The following STARD13 variants were observed in gnomAD, a reference collection of about 807,000 sequenced individuals.
STARD13 encodes stAR-related lipid transfer protein 13.
STARD13 carries 62 observed loss-of-function variants against 106.4 expected under a neutral mutation model. The ratio of observed to expected loss-of-function variants is 0.58; its 90% CI spans 0.48 to 0.72. STARD13 has a LOEUF of 0.72. Among genes scored for constraint, STARD13 ranks in the 30% least tolerant of loss-of-function variants. STARD13 has a pLI of 0.00. For missense variants in STARD13, 1,387 were observed against 1,424.0 expected (o/e 0.97, Z 0.42); for synonymous variants, 565 against 553.0 (o/e 1.02, Z -0.31).
At chr13:33,428,423 G>C in the STARD13 span, among the ~76,000 whole-genome samples, 1 of 151,972 alleles carries the variant, frequency 6.6e-6, no homozygotes, top group Non-Finnish European at 1.5e-5. Context: ...CTATGCATCC[G>C]AAAAGACGTT....
chr13:33,409,653 T>C, the STARD13 span, among the ~76,000 whole-genome samples: 3 of 152,216 alleles, frequency 2.0e-5, no homozygotes, highest in Admixed American at 1.3e-4. Context: ...ATCCCTGGCA[T>C]GTGAGGGTAC....
the STARD13 span, among the ~76,000 whole-genome samples, chr13:33,511,778 T>A: frequency 6.6e-6 from 1 of 152,304 alleles, no homozygotes; most frequent in Non-Finnish European, 1.5e-5. Flanking sequence ...ACCATGGTTA[T>A]CTTAATTGAA....
intron 8 of STARD13, chr13:33,117,631 T>G: frequency 1.0e-6 from 1 of 978,824 alleles, no homozygotes; most frequent in Non-Finnish European, 1.2e-6. Flanking sequence ...TGTGCTAAAA[T>G]ACATTTGTTT....
At chr13:33,327,738 G>C (rs538597820) in intron 1 of STARD13, among the ~76,000 whole-genome samples, 42 of 152,306 alleles carry the variant, frequency 2.8e-4, no homozygotes, top group Admixed American at 1.6e-3. Context: ...TTTAAAAAGA[G>C]GGTGAAATTT....
the STARD13 span, among the ~76,000 whole-genome samples, chr13:33,430,737 A>G: frequency 6.6e-6 from 1 of 152,270 alleles, no homozygotes; most frequent in Non-Finnish European, 1.5e-5. Flanking sequence ...AATATTATTC[A>G]GTCATAACAA....
the STARD13 span, among the ~76,000 whole-genome samples, chr13:33,650,529 C>A: frequency 3.3e-5 from 5 of 150,302 alleles, no homozygotes; most frequent in African/African-American, 7.4e-5. Context: ...AAGTCATAAG[C>A]CTTTTGGCGC....
the STARD13 span, among the ~76,000 whole-genome samples, chr13:33,531,179 C>T: frequency 2.7e-3 from 407 of 152,300 alleles, 1 homozygote; most frequent in African/African-American, 9.3e-3. Context: ...ATGTGCCTTT[C>T]ACCTTCCACC....
the STARD13 span, among the ~76,000 whole-genome samples, chr13:33,531,876 T>C: frequency 6.6e-6 from 1 of 152,222 alleles, no homozygotes; most frequent in Admixed American, 6.5e-5. Context: ...CCATAATTAC[T>C]CATTTGTTTT....
At chr13:33,243,000 T>C (rs1263639854) in intron 1 of STARD13, among the ~76,000 whole-genome samples, 1 of 152,150 alleles carries the variant, frequency 6.6e-6, no homozygotes, top group Non-Finnish European at 1.5e-5. Flanking sequence ...CCTGCAAGCA[T>C]GTATTCAGCC....
chr13:33,614,256 AT>A, the STARD13 span, among the ~76,000 whole-genome samples: 1 of 65,560 alleles, frequency 1.5e-5, no homozygotes, highest in East Asian at 4.0e-4. Context: ...CCGTATCTCT[AT>A]GGATACATTC....
At chr13:33,619,565 AAAGAT>A in the STARD13 span, among the ~76,000 whole-genome samples, 3 of 152,206 alleles carry the variant, frequency 2.0e-5, no homozygotes, top group East Asian at 5.8e-4. Context: ...CATCCACTAA[AAAGAT>A]AGCTAGCTGA....
At chr13:33,445,564 CTTAG>C in the STARD13 span, among the ~76,000 whole-genome samples, 1 of 151,064 alleles carries the variant, frequency 6.6e-6, no homozygotes, top group Non-Finnish European at 1.5e-5. Flanking sequence ...TCACCCTTGT[CTTAG>C]TTTGTTTGCG....
chr13:33,203,629 A>G (rs1887205575), intron 1 of STARD13, among the ~76,000 whole-genome samples: 1 of 152,196 alleles, frequency 6.6e-6, no homozygotes, highest in African/African-American at 2.4e-5. Context: ...GTTTGAGGAA[A>G]TGACTAGTCT....
chr13:33,628,709 C>T, the STARD13 span, among the ~76,000 whole-genome samples: 5 of 152,280 alleles, frequency 3.3e-5, no homozygotes, highest in African/African-American at 4.8e-5. Flanking sequence ...GAATGACTGA[C>T]GTGGCTGAGC....
At chr13:33,603,382 C>T in the STARD13 span, among the ~76,000 whole-genome samples, 3 of 152,150 alleles carry the variant, frequency 2.0e-5, no homozygotes, top group African/African-American at 7.2e-5. Flanking sequence ...AAACCAAGCC[C>T]CTGGTGTTTT....
intron 1 of STARD13, among the ~76,000 whole-genome samples, chr13:33,212,698 T>C (rs1433902082): frequency 2.6e-5 from 4 of 152,186 alleles, no homozygotes; most frequent in Admixed American, 1.3e-4. Flanking sequence ...GCATTCCAGG[T>C]AATGTGGAGA....
At chr13:33,165,852 C>A (rs1453118827) in intron 2 of STARD13, among the ~76,000 whole-genome samples, 1 of 152,176 alleles carries the variant, frequency 6.6e-6, no homozygotes, top group Admixed American at 6.5e-5. Context: ...AAAGTTCTAT[C>A]ATCTGAAATT....
chr13:33,519,219 T>C, the STARD13 span, among the ~76,000 whole-genome samples: 2 of 135,094 alleles, frequency 1.5e-5, no homozygotes, highest in Non-Finnish European at 3.2e-5. Context: ...TTTCTTTCTT[T>C]CTTTCTTTCT....
the STARD13 span, among the ~76,000 whole-genome samples, chr13:33,361,007 C>T: frequency 2.3e-3 from 345 of 146,990 alleles, 1 homozygote; most frequent in African/African-American, 7.6e-3. Flanking sequence ...AGGTTTTCAC[C>T]GCGTTAGCCA....
Sources: gnomAD v4.1 joint callset for allele counts (sites outside exome capture counted in the v4.1 genomes callset) on GRCh38, gnomAD v4.1.1 for gene constraint, MANE v1.5 for transcripts, NCBI Gene and HGNC (gene_info 2026-07-23, HGNC 2026-07-21) for gene names.